Variants in GLCCI1 observed in about 807,000 individuals in gnomAD.
The protein encoded by GLCCI1 is glucocorticoid induced 1.
Under a neutral mutation model 52.2 loss-of-function variants are expected in GLCCI1, and 24 were observed. That is an observed-to-expected ratio of 0.46 (90% CI 0.33 to 0.65). The LOEUF is 0.65. GLCCI1 is among the 30% of genes least tolerant of loss of function. GLCCI1 has a pLI of 0.02. For missense variants in GLCCI1, 704 were observed against 701.5 expected (o/e 1.00, Z -0.04); for synonymous variants, 310 against 276.5 (o/e 1.12, Z -1.20).
intron 5 of GLCCI1, among the ~76,000 whole-genome samples, chr7:8,067,601 A>G (rs1782659128): frequency 6.6e-6 from 1 of 152,158 alleles, no homozygotes; most frequent in South Asian, 2.1e-4. Context: ...TGCTTGTCTG[A>G]AAAGGATCTT....
intron 1 of GLCCI1, chr7:7,981,211 A>C: frequency 3.2e-6 from 1 of 310,138 alleles, no homozygotes; most frequent in Non-Finnish European, 6.2e-6. Flanking sequence ...GTTATCTGGG[A>C]CTGGAAGACA....
chr7:8,032,999 A>C (rs62433408), intron 3 of GLCCI1, among the ~76,000 whole-genome samples: 1 of 151,960 alleles, frequency 6.6e-6, no homozygotes, highest in Non-Finnish European at 1.5e-5. Context: ...ATATAAAATT[A>C]TTAATAAAAT....
At chr7:8,023,571 A>G (rs574221076) in intron 3 of GLCCI1, among the ~76,000 whole-genome samples, 1 of 107,118 alleles carries the variant, frequency 9.3e-6, no homozygotes, top group South Asian at 2.8e-4. Flanking sequence ...AAAGATGGTC[A>G]TCTAATCTCT....
chr7:8,043,790 T>C (rs1782056516), intron 3 of GLCCI1, among the ~76,000 whole-genome samples: 1 of 152,200 alleles, frequency 6.6e-6, no homozygotes, highest in South Asian at 2.1e-4. Flanking sequence ...TTTCATGATA[T>C]TTCATGAAGA....
chr7:8,008,443 C>T (rs1781200081), intron 2 of GLCCI1, among the ~76,000 whole-genome samples: 1 of 151,890 alleles, frequency 6.6e-6, no homozygotes, highest in Admixed American at 6.6e-5. Flanking sequence ...ACTACAGGCC[C>T]CTGCCATCAC....
chr7:7,988,892 G>T (rs891694607), intron 1 of GLCCI1, among the ~76,000 whole-genome samples: 1 of 151,964 alleles, frequency 6.6e-6, no homozygotes, highest in Non-Finnish European at 1.5e-5. Context: ...GCTGACCTCT[G>T]CTGCAGTTAG....
At chr7:8,027,323 A>G (rs969904862) in intron 3 of GLCCI1, among the ~76,000 whole-genome samples, 7 of 152,178 alleles carry the variant, frequency 4.6e-5, no homozygotes, top group African/African-American at 1.4e-4. Context: ...CTCTGTCTCT[A>G]CTAAAAATAC....
At chr7:7,994,643 A>G (rs2115419089) in intron 1 of GLCCI1, among the ~76,000 whole-genome samples, 1 of 152,330 alleles carries the variant, frequency 6.6e-6, no homozygotes, top group East Asian at 1.9e-4. Flanking sequence ...TCTTAATACC[A>G]TCAGAGTGGC....
At chr7:7,994,954 G>A (rs889623013) in intron 1 of GLCCI1, among the ~76,000 whole-genome samples, 2 of 152,116 alleles carry the variant, frequency 1.3e-5, no homozygotes, top group African/African-American at 4.8e-5. Flanking sequence ...GTTTGTGTTT[G>A]TGTATCAGTG....
chr7:8,024,059 A>C (rs539561950), intron 3 of GLCCI1, among the ~76,000 whole-genome samples: 1 of 152,238 alleles, frequency 6.6e-6, no homozygotes, highest in African/African-American at 2.4e-5. Context: ...AGTAAGTCTA[A>C]GTCTTTTAAA....
At chr7:8,082,632 C>T (rs971706898) in intron 6 of GLCCI1, among the ~76,000 whole-genome samples, 45 of 151,826 alleles carry the variant, frequency 3.0e-4, no homozygotes, top group African/African-American at 1.1e-3. Flanking sequence ...AGATATAAAC[C>T]CTGCCTGTCT....
intron 6 of GLCCI1, 36 bp downstream of exon 6, chr7:8,071,167 T>C (rs1782752825): frequency 6.5e-7 from 1 of 1,535,436 alleles, no homozygotes; most frequent in South Asian, 1.1e-5. Context: ...GGGTTTGTTA[T>C]GGGCCTTGCT....
chr7:8,041,217 A>G (rs1562439007), intron 3 of GLCCI1, among the ~76,000 whole-genome samples: 1 of 152,226 alleles, frequency 6.6e-6, no homozygotes, highest in Admixed American at 6.5e-5. Flanking sequence ...ACCAGCCACA[A>G]CATTCCCTTA....
chr7:8,003,957 A>T lies in GLCCI1; in HGVS notation c.507A>T (p.Arg169=), dbSNP rs1781097174. 3.1e-6 allele frequency: 5 copies of T among 1,613,866 alleles called. No homozygotes were observed. The highest frequency in any genetic ancestry group is 4.2e-6 in the Non-Finnish European group (5 of 1,179,820). The change falls in exon 2 of 8, where the codon CGA becomes CGT. Residue 169 remains arginine (R), a synonymous_variant. Coordinates refer to ENST00000223145, the MANE Select transcript of GLCCI1 (RefSeq NM_138426.4). ...TTCGGACCTCTAGTACAATAAGGCG[A>T]ACCTCCTCTTTGGATACAATAACAG... ...QQVRTSSTIR[R]TSSLDTITGP...
At chr7:8,037,865 A>T (rs1445206997) in intron 3 of GLCCI1, among the ~76,000 whole-genome samples, 2 of 152,222 alleles carry the variant, frequency 1.3e-5, no homozygotes, top group Admixed American at 6.5e-5. Flanking sequence ...ATATGCACCC[A>T]ATACTAGGCC....
chr7:7,969,747 G>C lies in GLCCI1; in HGVS notation c.397G>C (p.Glu133Gln). 1 of 1,471,764 alleles carries C rather than the reference G, an allele frequency of 6.8e-7. No homozygotes were observed. Among genetic ancestry groups the C allele is most frequent in the Non-Finnish European group, 9.0e-7 (1 of 1,114,966 alleles). 91.2% of individuals were successfully genotyped at this position (1,471,764 alleles called of 1,614,324 possible). ...CAAGGGCCGCCCGAGACGGTCCCCA[G>C]AGAGCCACCGGAGGAGCAGCTCACC... ...RAKGRPRRSP[E>Q]SHRRSSSPER... Residue 133 changes from glutamate (E) to glutamine (Q), a missense_variant, in exon 1 of 8, where the codon GAG (glutamate) becomes CAG (glutamine). Coordinates refer to ENST00000223145, the MANE Select transcript of GLCCI1 (RefSeq NM_138426.4). This position sits in a 1 kb window ranked among gnomAD's most constrained non-coding sequence, Gnocchi z 4.9.
At chr7:8,073,410 AG>A (rs754745204) in intron 6 of GLCCI1, among the ~76,000 whole-genome samples, 13 of 152,056 alleles carry the variant, frequency 8.5e-5, no homozygotes, top group Non-Finnish European at 1.8e-4. Flanking sequence ...CCTTTTCCTA[AG>A]TTTGCCTTTG....
chr7:7,980,217 G>A (rs1049269398), intron 1 of GLCCI1: 2 of 152,782 alleles, frequency 1.3e-5, no homozygotes, highest in African/African-American at 4.8e-5. Flanking sequence ...CTTATAATCA[G>A]ACTTTACCTA....
At chr7:8,026,711 G>T (rs962658730) in intron 3 of GLCCI1, among the ~76,000 whole-genome samples, 9 of 152,240 alleles carry the variant, frequency 5.9e-5, no homozygotes, top group Admixed American at 5.9e-4. Flanking sequence ...GCCAGTGCCT[G>T]TGCATGGAGG....
Sources: gnomAD v4.1 joint callset for allele counts (sites outside exome capture counted in the v4.1 genomes callset) on GRCh38, gnomAD v4.1.1 for gene constraint, Gnocchi (gnomAD v3.1) non-coding constraint, MANE v1.5 for transcripts, NCBI Gene and HGNC (gene_info 2026-07-23, HGNC 2026-07-21) for gene names.